Variants in STAC observed in about 807,000 individuals in gnomAD.
STAC encodes SH3 and cysteine-rich domain-containing protein.
Under a neutral mutation model 48.8 loss-of-function variants are expected in STAC, and 43 were observed. The ratio of observed to expected loss-of-function variants is 0.88; its 90% confidence interval spans 0.69 to 1.14. The LOEUF (loss-of-function observed/expected upper bound fraction) is 1.14. Among genes scored for constraint, STAC ranks in the 50% most tolerant of loss-of-function variants. The pLI is 0.00. For missense variants in STAC, 497 were observed against 504.0 expected (o/e 0.99, Z 0.13); for synonymous variants, 193 against 179.5 (o/e 1.07, Z -0.60).
In STAC at chr3:36,528,924, G is replaced by T. The variant is rs1452100980; in HGVS notation, c.1049G>T (p.Arg350Ile). ...QRLQQNEKIF[R>I]CVRTFIGCKE... is the part of the protein sequence containing the mutation. ...CTACAACAAAATGAGAAGATTTTTA[G>T]ATGTGTTAGAACCTTCATTGGGTGT... The change falls in exon 10 of 11, where the codon AGA becomes ATA. Residue 350 changes from arginine (R) to isoleucine (I), a missense_variant. Physicochemically the swap from Arg to Ile is moderately conservative, Grantham distance 97. Coordinates refer to ENST00000273183, the MANE Select transcript of STAC (RefSeq NM_003149.3). The T allele has an allele frequency of 1.2e-6, 2 of 1,613,760 alleles. No homozygotes were observed. Among genetic ancestry groups the T allele is most frequent in the Non-Finnish European group, 1.7e-6 (2 of 1,179,838 alleles).
intron 1 of STAC, among the ~76,000 whole-genome samples, chr3:36,398,695 AAAG>A (rs1395709573): frequency 2.7e-5 from 4 of 146,992 alleles, no homozygotes; most frequent in Non-Finnish European, 4.5e-5. Flanking sequence ...GAAAGAAAAG[AAAG>A]AAAGAAAGAA....
chr3:36,517,003 C>T (rs1217255591), intron 8 of STAC, among the ~76,000 whole-genome samples: 1 of 152,118 alleles, frequency 6.6e-6, no homozygotes, highest in Non-Finnish European at 1.5e-5. Context: ...AGACCTTGTC[C>T]AACTGGTCCA....
intron 1 of STAC, among the ~76,000 whole-genome samples, chr3:36,420,704 C>A (rs947763093): frequency 2.0e-5 from 3 of 152,196 alleles, no homozygotes; most frequent in Non-Finnish European, 4.4e-5. Context: ...AAACTGGTCC[C>A]TGGTGCCAAA....
chr3:36,498,711 C>T (rs1295176451), intron 6 of STAC, among the ~76,000 whole-genome samples: 2 of 152,024 alleles, frequency 1.3e-5, no homozygotes, highest in South Asian at 2.1e-4. Context: ...CATGATTATG[C>T]CACTGTACTC....
chr3:36,383,026 A>G (rs2125609057), intron 1 of STAC, among the ~76,000 whole-genome samples: 1 of 152,320 alleles, frequency 6.6e-6, no homozygotes, highest in Middle Eastern at 3.4e-3. Flanking sequence ...TTTTTGTCTT[A>G]TTATAAGAGT....
At chr3:36,403,019 CA>C (rs1369519890) in intron 1 of STAC, among the ~76,000 whole-genome samples, 1 of 152,178 alleles carries the variant, frequency 6.6e-6, no homozygotes, top group African/African-American at 2.4e-5. Context: ...AGACGTAACA[CA>C]AGGATTATGG....
intron 5 of STAC, among the ~76,000 whole-genome samples, chr3:36,490,681 A>G (rs893423593): frequency 3.3e-5 from 5 of 152,116 alleles, no homozygotes; most frequent in African/African-American, 1.2e-4. Context: ...ACCTATGACA[A>G]ACAGACCTCC....
At chr3:36,408,300 C>G (rs938665642) in intron 1 of STAC, among the ~76,000 whole-genome samples, 1 of 152,168 alleles carries the variant, frequency 6.6e-6, no homozygotes, top group Non-Finnish European at 1.5e-5. Context: ...TCTTCTTCCT[C>G]CTCTTCTTAT....
chr3:36,419,356 G>A (rs1341466911), intron 1 of STAC, among the ~76,000 whole-genome samples: 2 of 152,064 alleles, frequency 1.3e-5, no homozygotes, highest in African/African-American at 4.8e-5. Flanking sequence ...ACCCATTAAC[G>A]TTTACTATGC....
Position 36,482,995 on chromosome 3 carries a change from C to T in STAC, c.392C>T (p.Thr131Ile), listed in dbSNP as rs370799864. Residue 131 changes from threonine to isoleucine, a missense_variant, in exon 3 of 11, where the codon ACA (threonine) becomes ATA (isoleucine). Transcript: ENST00000273183. The stretch of plus-strand genomic sequence containing the variant: ...AAGTTTGCCATGTACCTGACAGGAA[C>T]AAATGCTAAGCATGGACTGCGCTGC... Reference protein sequence around the residue: ...CDVCNHMIVGTNAKHGLRCKA... With the variant: ...CDVCNHMIVGINAKHGLRCKA... The T allele has an allele frequency of 1.2e-6, 2 of 1,613,474 alleles. No homozygotes were observed. Among genetic ancestry groups the T allele is most frequent in the Non-Finnish European group, 1.7e-6 (2 of 1,179,540 alleles).
chr3:36,427,345 A>T (rs897866564), intron 1 of STAC, among the ~76,000 whole-genome samples: 1 of 152,182 alleles, frequency 6.6e-6, no homozygotes, highest in African/African-American at 2.4e-5. Flanking sequence ...TTCTCCTCCA[A>T]CCAGGATTGC....
chr3:36,421,277 A>C (rs1038804499), intron 1 of STAC, among the ~76,000 whole-genome samples: 1 of 152,238 alleles, frequency 6.6e-6, no homozygotes, highest in African/African-American at 2.4e-5. Context: ...CCATATGTCT[A>C]CATTCATGTG....
intron 10 of STAC, among the ~76,000 whole-genome samples, chr3:36,538,475 C>A (rs1292249679): frequency 6.6e-6 from 1 of 152,126 alleles, no homozygotes; most frequent in Non-Finnish European, 1.5e-5. Flanking sequence ...CAATGAACAT[C>A]TCTGAACATA....
chr3:36,437,683 C>T (rs570603546), intron 1 of STAC, among the ~76,000 whole-genome samples: 4 of 149,218 alleles, frequency 2.7e-5, no homozygotes, highest in Admixed American at 6.7e-5. Context: ...TGCTAAATGA[C>T]GAGTTAATGG....
intron 4 of STAC, 35 bp downstream of exon 4, chr3:36,485,093 G>C: frequency 3.2e-6 from 5 of 1,556,084 alleles, no homozygotes; most frequent in Non-Finnish European, 4.4e-6. Flanking sequence ...AGTTGAGTTT[G>C]AAGCAGCAAA....
At chr3:36,390,451 C>CTTTTTTTTTTTTTTTTTTTTTTTT (rs59589769) in intron 1 of STAC, among the ~76,000 whole-genome samples, 75 of 80,816 alleles carry the variant, frequency 9.3e-4, no homozygotes, top group Non-Finnish European at 1.3e-3. Flanking sequence ...TTTTTCTTTT[C>CTTTTTTTTTTTTTTTTTTTTTTTT]TTTTTTTTTT....
intron 2 of STAC, among the ~76,000 whole-genome samples, chr3:36,454,323 C>G (rs1696787521): frequency 6.6e-6 from 1 of 152,034 alleles, no homozygotes; most frequent in Admixed American, 6.5e-5. Flanking sequence ...GGAACAACTC[C>G]AGACGCGTCG....
At chr3:36,433,983 T>C (rs1206579283) in intron 1 of STAC, among the ~76,000 whole-genome samples, 1 of 152,218 alleles carries the variant, frequency 6.6e-6, no homozygotes, top group East Asian at 1.9e-4. Context: ...TTGTACTTAA[T>C]GTAAAAGAAA....
intron 6 of STAC, among the ~76,000 whole-genome samples, chr3:36,496,880 T>C (rs778215680): frequency 1.3e-5 from 2 of 152,238 alleles, no homozygotes; most frequent in Admixed American, 6.5e-5. Context: ...TGTGTGATCA[T>C]AATTTTCCTG....
Sources: allele counts gnomAD v4.1 joint callset (sites outside exome capture counted in the v4.1 genomes callset), GRCh38; gene constraint gnomAD v4.1.1; transcripts MANE v1.5; gene names NCBI Gene and HGNC (gene_info 2026-07-23, HGNC 2026-07-21).